PPEF1: variants seen among roughly 807,000 people sequenced by gnomAD.
PPEF1 encodes the protein protein phosphatase with EF-hand domain 1.
Under a neutral mutation model 53.3 loss-of-function variants are expected in PPEF1, and 12 were observed. The observed-to-expected ratio is 0.23, with a 90% CI of 0.14 to 0.36. The LOEUF (loss-of-function observed/expected upper bound fraction) is 0.36, where lower values mean the gene tolerates loss of function less well. Ranked by LOEUF, PPEF1 falls within the 10% of genes least tolerant of loss-of-function variation. The probability of loss-of-function intolerance (pLI) is 1.00; values close to 1 mark genes in which losing one functional copy is unlikely to be tolerated. For missense variants in PPEF1, 334 were observed against 490.4 expected (o/e 0.68, Z 3.01); for synonymous variants, 165 against 176.7 (o/e 0.93, Z 0.52).
At chrX:18,765,966 G>C (rs1225162302) in intron 6 of PPEF1, among the ~76,000 whole-genome samples, 2 of 106,525 alleles carry the variant, frequency 1.9e-5, no homozygotes, top group Non-Finnish European at 3.8e-5. Flanking sequence ...TCAGGAGGCC[G>C]AGGCAGGAGA....
At chrX:18,719,462 T>G (rs1286820828) in intron 1 of PPEF1, among the ~76,000 whole-genome samples, 1 of 108,225 alleles carries the variant, frequency 9.2e-6, no homozygotes, top group Admixed American at 1.0e-4. Context: ...TCCTCCCACC[T>G]CAACCTCCCA....
intron 12 of PPEF1, among the ~76,000 whole-genome samples, chrX:18,809,791 A>C (rs1463045363): frequency 9.0e-6 from 1 of 111,506 alleles, no homozygotes; most frequent in Non-Finnish European, 1.9e-5. Flanking sequence ...CCAACATAAA[A>C]AAGAAATCCT....
At chrX:18,801,401 A>C (rs1013510436) in intron 10 of PPEF1, among the ~76,000 whole-genome samples, 2 of 111,798 alleles carry the variant, frequency 1.8e-5, no homozygotes, top group Admixed American at 9.6e-5. Context: ...GTGTACAATC[A>C]TGTTTAGCAA....
intron 6 of PPEF1, among the ~76,000 whole-genome samples, chrX:18,765,273 AC>A (rs1198489524): frequency 9.0e-6 from 1 of 111,599 alleles, no homozygotes; most frequent in Non-Finnish European, 1.9e-5. Flanking sequence ...CATGGAGTGA[AC>A]CACATACACC....
At chrX:18,782,974 G>A (rs916777107) in intron 8 of PPEF1, among the ~76,000 whole-genome samples, 12 of 108,852 alleles carry the variant, frequency 1.1e-4, no homozygotes, top group Middle Eastern at 4.7e-3. Flanking sequence ...TTAGCTGGGC[G>A]TGGTGGCATG....
rs1028229814 is a variant in PPEF1, at chrX:18,767,166, T to C, written c.558+5590T>C. 4.5e-5 allele frequency among the ~76,000 whole-genome samples: 5 copies of C among 112,018 alleles called. No individual in the cohort carries two copies. In the South Asian group the frequency reaches 1.5e-3, roughly 34 times the overall value. On this transcript the variant is annotated intron_variant, in intron 6 of 15. Coordinates refer to ENST00000470157, the MANE Select transcript of PPEF1 (RefSeq NM_001377996.1). ...CTGTGGAGTGTAGGGAAGAGAGTTC[T>C]TGCCTTGTCAGAAGTGCCTGAGGGG...
intron 3 of PPEF1, among the ~76,000 whole-genome samples, chrX:18,738,488 A>C (rs185687007): frequency 2.6e-4 from 29 of 112,026 alleles, no homozygotes; most frequent in African/African-American, 8.1e-4. Flanking sequence ...TTCTGCCGAG[A>C]GATCCGCTGT....
At chrX:18,687,096 C>T (rs983890824) in intron 3 of PPEF1, among the ~76,000 whole-genome samples, 1 of 111,356 alleles carries the variant, frequency 9.0e-6, no homozygotes, top group African/African-American at 3.3e-5. Context: ...AGAGAAGAGG[C>T]TTATGCCAGC....
chrX:18,741,917 C>T (rs1335882527), intron 3 of PPEF1, among the ~76,000 whole-genome samples: 2 of 109,063 alleles, frequency 1.8e-5, no homozygotes, highest in East Asian at 5.8e-4. Context: ...AATTCTCATG[C>T]CTCCCGAGTA....
At chrX:18,777,273 C>G (rs965338029) in intron 6 of PPEF1, among the ~76,000 whole-genome samples, 2 of 111,861 alleles carry the variant, frequency 1.8e-5, no homozygotes, top group Non-Finnish European at 3.8e-5. Flanking sequence ...TTTCTAGAAT[C>G]CCTAAATTAT....
intron 7 of PPEF1, among the ~76,000 whole-genome samples, chrX:18,781,152 G>A (rs1003753115): frequency 2.7e-5 from 3 of 110,772 alleles, no homozygotes; most frequent in Non-Finnish European, 5.7e-5. Context: ...ACGATATTGG[G>A]AATGTGGAAA....
At chrX:18,696,236 T>G (rs756609331) in intron 4 of PPEF1, among the ~76,000 whole-genome samples, 17 of 110,515 alleles carry the variant, frequency 1.5e-4, no homozygotes, top group African/African-American at 5.6e-4. Context: ...TACTGCAGCC[T>G]CGATCTTGCA....
At chrX:18,734,800 G>A (rs1013089301) in intron 3 of PPEF1, among the ~76,000 whole-genome samples, 4 of 111,345 alleles carry the variant, frequency 3.6e-5, no homozygotes, top group Non-Finnish European at 3.8e-5. Context: ...GTTGTTTCCC[G>A]ACTTTTAATG....
rs1291804212 is a variant in PPEF1, at chrX:18,710,970, G to A, written c.46+3144G>A. On this transcript the variant is annotated intron_variant, in intron 1 of 15. Transcript: ENST00000470157. ...GATGATTGGGTAAAGAAAATGTGTG[G>A]TGTATGTATATGTAAGTGTGTGTGT... Among the ~76,000 whole-genome samples, 6 of 108,963 alleles carry A rather than the reference G, an allele frequency of 5.5e-5. 1 individual carries two copies. Among genetic ancestry groups the A allele is most frequent in the African/African-American group, 2.0e-4 (6 of 29,739 alleles). The allele number at this position is 108,963 out of a possible 115,157, so 94.6% of individuals were successfully genotyped here.
intron 4 of PPEF1, among the ~76,000 whole-genome samples, chrX:18,755,826 G>A (rs747545034): frequency 9.0e-6 from 1 of 111,097 alleles, no homozygotes; most frequent in Non-Finnish European, 1.9e-5. Flanking sequence ...TGTGCCTGGC[G>A]TCTGTTGCTT....
intron 12 of PPEF1, among the ~76,000 whole-genome samples, chrX:18,807,426 C>T (rs2046696430): frequency 8.9e-6 from 1 of 112,163 alleles, no homozygotes; most frequent in South Asian, 3.7e-4. Flanking sequence ...TCTCTCCTTT[C>T]TCAATTATCC....
At chrX:18,744,685 C>G (rs1248178479) in intron 3 of PPEF1, among the ~76,000 whole-genome samples, 1 of 110,237 alleles carries the variant, frequency 9.1e-6, no homozygotes, top group Non-Finnish European at 1.9e-5. Flanking sequence ...AGAACATTTT[C>G]CCCATTATAT....
chrX:18,804,569 A>C (rs1285668135), intron 11 of PPEF1, among the ~76,000 whole-genome samples: 2 of 111,746 alleles, frequency 1.8e-5, no homozygotes, highest in South Asian at 7.5e-4. Context: ...GGCTTCCCAA[A>C]GTGCTGGGAT....
chrX:18,712,653 A>G (rs773444913), intron 1 of PPEF1, among the ~76,000 whole-genome samples: 1 of 112,055 alleles, frequency 8.9e-6, no homozygotes, highest in South Asian at 3.7e-4. Context: ...ACAATGTCAA[A>G]TAGAAATGCA....
Sources: allele counts gnomAD v4.1 joint callset (sites outside exome capture counted in the v4.1 genomes callset), GRCh38; gene constraint gnomAD v4.1.1; transcripts MANE v1.5; gene names NCBI Gene and HGNC (gene_info 2026-07-23, HGNC 2026-07-21).